Variants in PRMT8 observed in about 807,000 individuals in gnomAD.
The protein encoded by PRMT8 is protein arginine N-methyltransferase 8.
A neutral mutation model predicts 47.1 loss-of-function variants in PRMT8; 7 were observed. The ratio of observed to expected loss-of-function variants is 0.15; its 90% confidence interval spans 0.08 to 0.28. PRMT8 has a LOEUF of 0.28. PRMT8 is among the 10% of genes least tolerant of loss of function. The probability of loss-of-function intolerance (pLI) is 1.00; values close to 1 mark genes in which losing one functional copy is unlikely to be tolerated. For missense variants in PRMT8, 237 were observed against 505.4 expected, an observed-to-expected ratio of 0.47 and a Z score of 5.09; for synonymous variants, 188 against 186.5, an observed-to-expected ratio of 1.01 and a Z score of -0.07.
intron 1 of PRMT8, among the ~76,000 whole-genome samples, chr12:3,415,024 C>T (rs772479728): frequency 2.0e-5 from 3 of 152,086 alleles, no homozygotes; most frequent in Non-Finnish European, 2.9e-5. Context: ...GCCCCCATTT[C>T]CAATGCCAAA....
chr12:3,565,122 G>A (rs1866698128), intron 4 of PRMT8, among the ~76,000 whole-genome samples: 1 of 152,188 alleles, frequency 6.6e-6, no homozygotes, highest in Non-Finnish European at 1.5e-5. Flanking sequence ...GAACTTGGAG[G>A]CACCATCTTT....
At chr12:3,392,507 C>G (rs1864203305) in intron 1 of PRMT8, among the ~76,000 whole-genome samples, 1 of 151,276 alleles carries the variant, frequency 6.6e-6, no homozygotes, top group Admixed American at 6.6e-5. Context: ...TGATGATTTC[C>G]AGTTTCATCC....
intron 1 of PRMT8, among the ~76,000 whole-genome samples, chr12:3,533,341 A>G (rs951190898): frequency 1.3e-5 from 2 of 152,236 alleles, no homozygotes; most frequent in African/African-American, 4.8e-5. Flanking sequence ...GACTGGCAAC[A>G]CCTAGATCAA....
chr12:3,511,857 C>T (rs901975550), intron 1 of PRMT8, among the ~76,000 whole-genome samples: 4 of 152,220 alleles, frequency 2.6e-5, no homozygotes, highest in Non-Finnish European at 4.4e-5. Context: ...TTAAAGCCAT[C>T]CTTCTTTGGC....
chr12:3,519,298 C>T (rs1865844044), intron 1 of PRMT8, among the ~76,000 whole-genome samples: 1 of 152,062 alleles, frequency 6.6e-6, no homozygotes. Flanking sequence ...CAAAGGGAGA[C>T]ACTGAAGATG....
At chr12:3,586,958 G>C (rs1867190479) in intron 8 of PRMT8, among the ~76,000 whole-genome samples, 1 of 152,188 alleles carries the variant, frequency 6.6e-6, no homozygotes, top group Non-Finnish European at 1.5e-5. Context: ...TGTCAGCGTG[G>C]GGGCTCTGTT....
intron 1 of PRMT8, among the ~76,000 whole-genome samples, chr12:3,523,021 C>T (rs1266664198): frequency 6.6e-6 from 1 of 151,544 alleles, no homozygotes; most frequent in Non-Finnish European, 1.5e-5. Context: ...AAAAAAATCC[C>T]ATCAAACTAA....
chr12:3,527,796 A>C (rs964908332), intron 1 of PRMT8, among the ~76,000 whole-genome samples: 1 of 152,140 alleles, frequency 6.6e-6, no homozygotes, highest in Admixed American at 6.5e-5. Flanking sequence ...AGATTTCCAC[A>C]TGGTATTGTT....
At chr12:3,530,475 A>G (rs1002136843) in intron 1 of PRMT8, among the ~76,000 whole-genome samples, 1 of 152,210 alleles carries the variant, frequency 6.6e-6, no homozygotes, top group African/African-American at 2.4e-5. Flanking sequence ...ATAAATAGGA[A>G]CATAGCCCAT....
At chr12:3,439,470 A>T (rs1208325293) in intron 1 of PRMT8, among the ~76,000 whole-genome samples, 2 of 152,190 alleles carry the variant, frequency 1.3e-5, no homozygotes, top group Non-Finnish European at 2.9e-5. Context: ...TTAAAAACAA[A>T]CTAAACAAAC....
intron 1 of PRMT8, among the ~76,000 whole-genome samples, chr12:3,443,797 C>T (rs1029176756): frequency 6.6e-6 from 1 of 152,244 alleles, no homozygotes; most frequent in East Asian, 1.9e-4. Flanking sequence ...CTTATCAGCA[C>T]CTGGCCTTGC....
chr12:3,553,797 G>C (rs1385324217), intron 4 of PRMT8, 83 bp downstream of exon 4: 2 of 1,300,828 alleles, frequency 1.5e-6, no homozygotes, highest in Non-Finnish European at 2.2e-6. Context: ...ATAGCGGGAG[G>C]AGCGCAGAGC....
intron 1 of PRMT8, among the ~76,000 whole-genome samples, chr12:3,437,098 A>C (rs1591549711): frequency 6.6e-6 from 1 of 151,654 alleles, no homozygotes; most frequent in Non-Finnish European, 1.5e-5. Flanking sequence ...CTTCAACCCC[A>C]CCCTCCTGGG....
At chr12:3,471,008 G>T (rs11610908) in intron 1 of PRMT8, among the ~76,000 whole-genome samples, 7,083 of 152,314 alleles carry the variant, frequency 0.047, 245 homozygotes, top group Non-Finnish European at 0.067. Flanking sequence ...GGTTGAAAAT[G>T]AAGAGATGGT....
chr12:3,566,489 G>A lies in PRMT8; in HGVS notation c.482-2217G>A, dbSNP rs1365407719. 6.6e-6 allele frequency among the ~76,000 whole-genome samples: 1 copy of A among 152,150 alleles called. No individual in the cohort carries two copies. The highest frequency in any genetic ancestry group is 1.5e-5 in the Non-Finnish European group (1 of 68,022). On this transcript the variant is annotated intron_variant, in intron 4 of 9. Transcript: ENST00000382622. This position sits in a 1 kb window ranked among gnomAD's most constrained non-coding sequence, Gnocchi z 4.7. ...CTGAACCTCACTGTAGAGTGACCAGGGTCAATGCATGTGTACAAAGTGTCT... is the reference window on the plus strand; with the variant it reads ...CTGAACCTCACTGTAGAGTGACCAGAGTCAATGCATGTGTACAAAGTGTCT...
At chr12:3,381,513 C>A in intron 1 of PRMT8, 1 of 1,451,166 alleles carries the variant, frequency 6.9e-7, no homozygotes. Flanking sequence ...TTTATCTTGA[C>A]CCCGTGTGGG....
intron 2 of PRMT8, among the ~76,000 whole-genome samples, chr12:3,541,649 G>C (rs1313295896): frequency 6.6e-6 from 1 of 152,202 alleles, no homozygotes; most frequent in African/African-American, 2.4e-5. Context: ...AACAAGTCTT[G>C]AAGATCTTCC....
intron 7 of PRMT8, among the ~76,000 whole-genome samples, chr12:3,582,251 C>T (rs1867081045): frequency 1.3e-5 from 2 of 152,222 alleles, no homozygotes; most frequent in Non-Finnish European, 2.9e-5. Flanking sequence ...AGACGTCTTT[C>T]AATTCCACCT....
chr12:3,459,023 T>C (rs1009854500), intron 1 of PRMT8, among the ~76,000 whole-genome samples: 2 of 152,176 alleles, frequency 1.3e-5, no homozygotes, highest in Non-Finnish European at 2.9e-5. Context: ...ATATGACGAG[T>C]GGGCAGAGGA....
Sources: gnomAD v4.1 joint callset for allele counts (sites outside exome capture counted in the v4.1 genomes callset) on GRCh38, gnomAD v4.1.1 for gene constraint, Gnocchi (gnomAD v3.1) non-coding constraint, MANE v1.5 for transcripts, NCBI Gene and HGNC (gene_info 2026-07-23, HGNC 2026-07-21) for gene names.